The following PPP2R5C variants were observed in gnomAD, a reference collection of about 807,000 sequenced individuals.
The protein encoded by PPP2R5C is serine/threonine-protein phosphatase 2A 56 kDa regulatory subunit gamma isoform.
A neutral mutation model predicts 68.9 loss-of-function variants in PPP2R5C; 7 were observed. The observed-to-expected ratio is 0.10, with a 90% CI of 0.06 to 0.19. The LOEUF (loss-of-function observed/expected upper bound fraction) is 0.19, where lower values mean the gene tolerates loss of function less well. Ranked by LOEUF, PPP2R5C falls within the 10% of genes least tolerant of loss-of-function variation. PPP2R5C has a pLI of 1.00. For missense variants in PPP2R5C, 348 were observed against 641.3 expected (o/e 0.54, Z 4.94); for synonymous variants, 210 against 222.2 (o/e 0.95, Z 0.49).
At chr14:101,850,965 G>A (rs1447321935) in intron 1 of PPP2R5C, among the ~76,000 whole-genome samples, 4 of 152,132 alleles carry the variant, frequency 2.6e-5, no homozygotes, top group South Asian at 2.1e-4. Context: ...GTTCCTACTC[G>A]TTTTGTACTA....
chr14:101,775,341 T>C (rs1218623367), intron 2 of PPP2R5C, among the ~76,000 whole-genome samples: 1 of 152,220 alleles, frequency 6.6e-6, no homozygotes, highest in Admixed American at 6.5e-5. Context: ...AGAGGCTTTG[T>C]CACAAATCCA....
chr14:101,820,553 G>T (rs1258448112), intron 1 of PPP2R5C: 1 of 152,220 alleles, frequency 6.6e-6, no homozygotes, highest in East Asian at 1.9e-4. Context: ...ACTATCACTT[G>T]TTGAATTTTA....
At chr14:101,763,506 C>T (rs1253364828) in intron 2 of PPP2R5C, among the ~76,000 whole-genome samples, 4 of 152,124 alleles carry the variant, frequency 2.6e-5, no homozygotes, top group Non-Finnish European at 5.9e-5. Flanking sequence ...CCTCAGCCTC[C>T]TGAGTAGCTG....
chr14:101,876,633 T>C (rs901451202), intron 2 of PPP2R5C, among the ~76,000 whole-genome samples: 1 of 152,198 alleles, frequency 6.6e-6, no homozygotes, highest in African/African-American at 2.4e-5. Context: ...TTGGAGAACA[T>C]CTGCAGGACT....
chr14:101,921,395 G>T (rs971420982), intron 13 of PPP2R5C: 2 of 153,020 alleles, frequency 1.3e-5, no homozygotes, highest in Non-Finnish European at 2.9e-5. Flanking sequence ...AAAATGTTTG[G>T]AGTCGTTTTC....
At chr14:101,826,052 C>A (rs989333225) in intron 1 of PPP2R5C, among the ~76,000 whole-genome samples, 32 of 152,136 alleles carry the variant, frequency 2.1e-4, no homozygotes, top group African/African-American at 6.5e-4. Flanking sequence ...GAGAACCAAG[C>A]CTTTATCATA....
intron 2 of PPP2R5C, among the ~76,000 whole-genome samples, chr14:101,862,034 T>C (rs1036248919): frequency 6.6e-6 from 1 of 152,150 alleles, no homozygotes; most frequent in African/African-American, 2.4e-5. Context: ...CACCTCAGCC[T>C]CCTGAGTAGC....
chr14:101,888,629 T>A lies in PPP2R5C; in HGVS notation c.630-1608T>A, dbSNP rs1230494141. ...TTTTTGTTTTGAAACAGGGTCTCTG[T>A]TGCCCAGGCTGGAATGCAGTGGCGC... On this transcript the variant is annotated intron_variant, in intron 5 of 13. Coordinates refer to ENST00000334743, the Ensembl canonical transcript of PPP2R5C. This position sits in a 1 kb window ranked among gnomAD's most constrained non-coding sequence, Gnocchi z 5.6. Among the ~76,000 whole-genome samples the A allele has an allele frequency of 6.6e-6, 1 of 152,210 alleles. No individual in the cohort carries two copies. The highest frequency in any genetic ancestry group is 1.5e-5 in the Non-Finnish European group (1 of 68,050).
chr14:101,777,831 G>A (rs796069030), intron 2 of PPP2R5C, among the ~76,000 whole-genome samples: 28 of 152,114 alleles, frequency 1.8e-4, no homozygotes, highest in African/African-American at 6.5e-4. Context: ...GGAATGCGAT[G>A]GTACAATGAT....
At chr14:101,912,575 A>G in intron 12 of PPP2R5C, 102 bp downstream of exon 14, 2 of 1,389,456 alleles carry the variant, frequency 1.4e-6, no homozygotes, top group Non-Finnish European at 1.9e-6. Context: ...CGATTTCACT[A>G]ACGTTGTATA....
At chr14:101,908,396 T>C (rs2046183869) in intron 10 of PPP2R5C, among the ~76,000 whole-genome samples, 1 of 152,158 alleles carries the variant, frequency 6.6e-6, no homozygotes, top group African/African-American at 2.4e-5. Context: ...ATTTTTGAGA[T>C]GGAGTCTTGC....
intron 3 of PPP2R5C, 125 bp downstream of exon 3, chr14:101,786,308 G>T: frequency 3.5e-6 from 3 of 853,000 alleles, no homozygotes; most frequent in Non-Finnish European, 3.4e-6. Context: ...TTTCTGTATT[G>T]AGGGGTTTTT....
At chr14:101,862,084 T>G (rs547743910) in intron 2 of PPP2R5C, among the ~76,000 whole-genome samples, 1 of 152,292 alleles carries the variant, frequency 6.6e-6, no homozygotes, top group African/African-American at 2.4e-5. Context: ...AGCTGATTTT[T>G]TAAATTTTTT....
chr14:101,806,436 A>T (rs1384486729), upstream of PPP2R5C, among the ~76,000 whole-genome samples: 3 of 152,212 alleles, frequency 2.0e-5, no homozygotes, highest in Non-Finnish European at 1.5e-5. Context: ...AAAAGACATG[A>T]ACTCATTCTT....
At chr14:101,799,855 G>A (rs1167755332) in intron 3 of PPP2R5C, among the ~76,000 whole-genome samples, 1 of 152,146 alleles carries the variant, frequency 6.6e-6, no homozygotes, top group Non-Finnish European at 1.5e-5. Flanking sequence ...CCTTGGTTCA[G>A]ACTTTCTTGG....
chr14:101,898,394 C>A (rs1189109643), intron 8 of PPP2R5C, among the ~76,000 whole-genome samples: 1 of 152,184 alleles, frequency 6.6e-6, no homozygotes, highest in Non-Finnish European at 1.5e-5. Flanking sequence ...CTGACCCTAA[C>A]CTTCTCCACC....
At chr14:101,852,937 A>G (rs1292646232) in intron 1 of PPP2R5C, among the ~76,000 whole-genome samples, 1 of 152,186 alleles carries the variant, frequency 6.6e-6, no homozygotes, top group Non-Finnish European at 1.5e-5. Flanking sequence ...AATTCACAAT[A>G]ACATATTAAT....
Position 101,856,080 on chromosome 14 carries a change from T to C in PPP2R5C, c.95-606T>C, listed in dbSNP as rs1253835751. Among the ~76,000 whole-genome samples the C allele has an allele frequency of 3.9e-5, 6 of 152,118 alleles. No individual in the cohort carries two copies. In the South Asian group the frequency reaches 1.0e-3, roughly 26 times the overall value. The stretch of plus-strand genomic sequence containing the variant: ...CAGTGTGCTTGGTGGGGCTCTAAGG[T>C]GCTAACTCTTTGAATGTTTGGAAGT... On this transcript the variant is annotated intron_variant, in intron 1 of 13. Coordinates refer to ENST00000334743, the Ensembl canonical transcript of PPP2R5C.
At chr14:101,815,180 G>C (rs1242360046) in intron 1 of PPP2R5C, among the ~76,000 whole-genome samples, 1 of 152,120 alleles carries the variant, frequency 6.6e-6, no homozygotes, top group African/African-American at 2.4e-5. Context: ...GAGAAAAAAG[G>C]GAGCCTCTTG....
Sources: allele counts gnomAD v4.1 joint callset (sites outside exome capture counted in the v4.1 genomes callset), GRCh38; gene constraint gnomAD v4.1.1; non-coding constraint Gnocchi (gnomAD v3.1); transcripts MANE v1.5; gene names NCBI Gene and HGNC (gene_info 2026-07-23, HGNC 2026-07-21).